The following SLC8A1 variants were observed in gnomAD, a reference collection of about 807,000 sequenced individuals.
SLC8A1 encodes the protein sodium/calcium exchanger 1.
SLC8A1 carries 18 observed loss-of-function variants against 68.3 expected under a neutral mutation model. The ratio of observed to expected loss-of-function variants is 0.26; its 90% CI spans 0.18 to 0.39. The LOEUF is 0.39. Ranked by LOEUF, SLC8A1 falls within the 10% of genes least tolerant of loss-of-function variation. The probability of loss-of-function intolerance (pLI) is 1.00; values close to 1 mark genes in which losing one functional copy is unlikely to be tolerated. For missense variants in SLC8A1, 985 were observed against 1,156.7 expected, an observed-to-expected ratio of 0.85 and a Z score of 2.15; for synonymous variants, 475 against 415.5, an observed-to-expected ratio of 1.14 and a Z score of -1.74.
intron 2 of SLC8A1, among the ~76,000 whole-genome samples, chr2:40,229,187 C>T (rs1053967905): frequency 4.6e-5 from 7 of 151,954 alleles, no homozygotes; most frequent in African/African-American, 1.7e-4. Flanking sequence ...GAATTGGTTC[C>T]TTAACAAAGG....
rs139811275 is a variant in SLC8A1 at position 40,196,400 on chromosome 2, C to T, written c.1809-18545G>A. 6.8e-4 allele frequency among the ~76,000 whole-genome samples: 104 copies of T among 152,006 alleles called. 1 individual carries two copies. Among genetic ancestry groups the T allele is most frequent in the African/African-American group, 2.3e-3 (96 of 41,486 alleles). ...GGCTCATTTCACCTTGAGAAATGAG[C>T]CTCTGACCTTGTGAGGTCCTCAGTT... On this transcript the variant is annotated intron_variant, in intron 2 of 7. Transcript: ENST00000406785.
chr2:40,290,084 G>A (rs2069020544), intron 2 of SLC8A1, among the ~76,000 whole-genome samples: 1 of 151,900 alleles, frequency 6.6e-6, no homozygotes, highest in Non-Finnish European at 1.5e-5. Context: ...GGAAAGGAAG[G>A]AGGAGGAGTT....
intron 7 of SLC8A1, among the ~76,000 whole-genome samples, chr2:40,133,051 G>A (rs1331673495): frequency 1.3e-5 from 2 of 152,086 alleles, no homozygotes; most frequent in East Asian, 1.9e-4. Context: ...GATCCATGCT[G>A]TTACTTAATC....
intron 6 of SLC8A1, among the ~76,000 whole-genome samples, chr2:40,153,101 T>A (rs1302864810): frequency 6.6e-6 from 1 of 152,122 alleles, no homozygotes; most frequent in South Asian, 2.1e-4. Context: ...AAAATATCAC[T>A]TACAAGGATG....
chr2:40,473,746 T>A (rs1001686768), intron 1 of SLC8A1, among the ~76,000 whole-genome samples: 3 of 152,142 alleles, frequency 2.0e-5, no homozygotes, highest in African/African-American at 7.2e-5. Context: ...AATGGACTTA[T>A]ATTTTTTTCT....
chr2:40,424,279 G>T (rs1439657653), intron 2 of SLC8A1, among the ~76,000 whole-genome samples: 2 of 151,190 alleles, frequency 1.3e-5, no homozygotes, highest in Non-Finnish European at 3.0e-5. Context: ...TTTACATCTG[G>T]CTGTCTTATT....
At chr2:40,271,364 T>C (rs940303533) in intron 2 of SLC8A1, among the ~76,000 whole-genome samples, 1 of 152,132 alleles carries the variant, frequency 6.6e-6, no homozygotes, top group Non-Finnish European at 1.5e-5. Flanking sequence ...TCCCTCTGCA[T>C]GGAAGGGTTG....
chr2:40,456,335 A>C (rs2373863), upstream of SLC8A1, among the ~76,000 whole-genome samples: 2 of 148,822 alleles, frequency 1.3e-5, no homozygotes, highest in Non-Finnish European at 3.0e-5. Flanking sequence ...AAAAAAAAAA[A>C]AAAAAGAATT....
At chr2:40,300,208 T>C (rs1197260657) in intron 2 of SLC8A1, among the ~76,000 whole-genome samples, 1 of 152,166 alleles carries the variant, frequency 6.6e-6, no homozygotes, top group Non-Finnish European at 1.5e-5. Flanking sequence ...CCATATTAAA[T>C]ATATGCCAAG....
At chr2:40,312,433 T>A (rs908298449) in intron 2 of SLC8A1, among the ~76,000 whole-genome samples, 3 of 152,132 alleles carry the variant, frequency 2.0e-5, no homozygotes, top group African/African-American at 4.8e-5. Flanking sequence ...GGAAACTTCA[T>A]CCTGTAACAT....
chr2:40,186,109 C>A (rs1245407092), intron 2 of SLC8A1, among the ~76,000 whole-genome samples: 4 of 152,124 alleles, frequency 2.6e-5, no homozygotes, highest in Non-Finnish European at 2.9e-5. Context: ...CCTTTCTTTT[C>A]CCCAAAATAT....
chr2:40,202,189 A>G (rs909367852), intron 2 of SLC8A1, among the ~76,000 whole-genome samples: 1 of 151,952 alleles, frequency 6.6e-6, no homozygotes, highest in African/African-American at 2.4e-5. Flanking sequence ...GTAGGTCAAA[A>G]TGTTTAAAAT....
exon 8 of SLC8A1, chr2:40,102,218 T>C (rs1302879749): frequency 6.6e-6 from 1 of 152,216 alleles, no homozygotes; most frequent in Non-Finnish European, 1.5e-5. Flanking sequence ...CTATGGCCTC[T>C]ATTCATAGAA....
chr2:40,490,253 A>G (rs1200064847), intron 1 of SLC8A1, among the ~76,000 whole-genome samples: 4 of 152,172 alleles, frequency 2.6e-5, no homozygotes, highest in African/African-American at 9.6e-5. Context: ...ATTAAAAAGC[A>G]TGGCAAGATA....
Position 40,260,214 on chromosome 2 carries a change from A to T in SLC8A1, c.1809-82359T>A, listed in dbSNP as rs537449498. ...TCCTTATAATAGACAAATGTGAATT[A>T]TCTTCACAACCTGTTCATTTAACTC... On this transcript the variant is annotated intron_variant, in intron 2 of 7. Transcript: ENST00000406785. Among the ~76,000 whole-genome samples the T allele has an allele frequency of 5.3e-5, 8 of 152,258 alleles. No individual in the cohort carries two copies. The South Asian group carries it at 1.2e-3, about 24-fold the overall frequency.
chr2:40,342,046 G>C (rs1037641063), intron 2 of SLC8A1, among the ~76,000 whole-genome samples: 6 of 152,134 alleles, frequency 3.9e-5, no homozygotes, highest in South Asian at 4.1e-4. Context: ...TAGTTACTTA[G>C]AGAAGGTGTA....
rs532985777 is a variant in SLC8A1 at position 40,461,228 on chromosome 2, G to C, written c.-24-30924C>G. The stretch of plus-strand genomic sequence containing the variant: ...TCATTTTTAAGACTGGCATATCAAG[G>C]TGCGGATGGAGGGTGCTAGTCTGCT... On this transcript the variant is annotated intron_variant, in intron 1 of 7. Coordinates refer to the SLC8A1 transcript ENST00000402441. Among the ~76,000 whole-genome samples the C allele has an allele frequency of 1.1e-4, 17 of 152,258 alleles. No individual in the cohort carries two copies. In the South Asian group the frequency reaches 3.5e-3, roughly 32 times the overall value.
At chr2:40,497,368 T>C (rs983451551) in intron 1 of SLC8A1, among the ~76,000 whole-genome samples, 1 of 151,986 alleles carries the variant, frequency 6.6e-6, no homozygotes, top group Admixed American at 6.6e-5. Context: ...TCAAGATAAG[T>C]AAGATTGATA....
At chr2:40,504,743 A>G (rs1472259159) in intron 1 of SLC8A1, among the ~76,000 whole-genome samples, 1 of 152,006 alleles carries the variant, frequency 6.6e-6, no homozygotes, top group African/African-American at 2.4e-5. Flanking sequence ...GAGAAATGCA[A>G]ATCAAAACTA....
Sources: allele counts gnomAD v4.1 joint callset (sites outside exome capture counted in the v4.1 genomes callset), GRCh38; gene constraint gnomAD v4.1.1; transcripts MANE v1.5; gene names NCBI Gene and HGNC (gene_info 2026-07-23, HGNC 2026-07-21).